Variants in PLEKHA6 observed in about 807,000 individuals in gnomAD.
The protein encoded by PLEKHA6 is pleckstrin homology domain containing A6.
In PLEKHA6, 60 loss-of-function variants were observed where a neutral mutation model predicts 116.7. The ratio of observed to expected loss-of-function variants is 0.51; its 90% confidence interval spans 0.42 to 0.64. PLEKHA6 has a LOEUF of 0.64. PLEKHA6 is among the 30% of genes least tolerant of loss of function. The pLI is 0.00. For synonymous variants in PLEKHA6, 489 were observed against 556.1 expected (o/e 0.88, Z 1.70); for missense variants, 1,338 against 1,422.7 (o/e 0.94, Z 0.96).
chr1:204,290,000 A>G (rs1438933662), intron 1 of PLEKHA6, among the ~76,000 whole-genome samples: 2 of 152,254 alleles, frequency 1.3e-5, no homozygotes, highest in Non-Finnish European at 2.9e-5. Flanking sequence ...CAAGACCTAT[A>G]CACTGAAAAC....
intron 1 of PLEKHA6, among the ~76,000 whole-genome samples, chr1:204,338,672 G>A (rs964072828): frequency 1.3e-5 from 2 of 152,200 alleles, no homozygotes; most frequent in African/African-American, 4.8e-5. Context: ...TAAAGACAGG[G>A]AGACTTGTGG....
At chr1:204,347,363 G>A (rs1673099862) in intron 1 of PLEKHA6, 2 of 618,470 alleles carry the variant, frequency 3.2e-6, no homozygotes, top group Non-Finnish European at 5.8e-6. Flanking sequence ...GGCTGTCAGA[G>A]TTTAAGGTGA....
intron 1 of PLEKHA6, among the ~76,000 whole-genome samples, chr1:204,351,008 C>T (rs1009860786): frequency 1.3e-5 from 2 of 152,220 alleles, no homozygotes; most frequent in Admixed American, 6.5e-5. Context: ...TGACTTCCCC[C>T]AGCTCACCAC....
intron 1 of PLEKHA6, chr1:204,313,713 A>G: frequency 2.0e-6 from 2 of 984,992 alleles, no homozygotes; most frequent in African/African-American, 1.7e-5. Context: ...GCAGCTAACC[A>G]CCTTTCTATC....
chr1:204,241,092 T>C (rs780508086), intron 17 of PLEKHA6, among the ~76,000 whole-genome samples: 28 of 152,216 alleles, frequency 1.8e-4, no homozygotes, highest in Non-Finnish European at 3.8e-4. Context: ...GCATGTAAGT[T>C]AATACTTACT....
At chr1:204,321,447 C>A (rs746364188) in intron 1 of PLEKHA6, among the ~76,000 whole-genome samples, 1 of 151,696 alleles carries the variant, frequency 6.6e-6, no homozygotes, top group Non-Finnish European at 1.5e-5. Flanking sequence ...CTACTGCCCC[C>A]CTGCAGTGCA....
chr1:204,321,572 A>G (rs570929103), intron 1 of PLEKHA6, among the ~76,000 whole-genome samples: 1 of 147,686 alleles, frequency 6.8e-6, no homozygotes, highest in South Asian at 2.2e-4. Context: ...CTTCCACCCT[A>G]CCCTTCCCAT....
At position 204,238,870 on chromosome 1, in the gene PLEKHA6, A is replaced by C. The variant is rs1662422056; in HGVS notation, c.2409+2505T>G. On this transcript the variant is annotated intron_variant, in intron 17 of 22. Coordinates refer to ENST00000272203, the MANE Select transcript of PLEKHA6 (RefSeq NM_014935.5). The surrounding 1 kb of genome is among the most constrained non-coding windows in gnomAD (Gnocchi z 4.2). ...GAAGGGAAATCTTCCCAGTGGGCAG[A>C]ACTTCAAGCAGTGCACCTGGCTGTG... 6.6e-6 allele frequency among the ~76,000 whole-genome samples: 1 copy of C among 152,246 alleles called. No homozygotes were observed. The highest frequency in any genetic ancestry group is 1.5e-5 in the Non-Finnish European group (1 of 68,046).
rs746710062 is a variant in PLEKHA6 at position 204,247,460 on chromosome 1, C to T, written c.1825G>A (p.Ala609Thr). 2 of 1,607,372 alleles carry T rather than the reference C, an allele frequency of 1.2e-6. No homozygotes were observed. Among genetic ancestry groups the T allele is most frequent in the African/African-American group, 1.3e-5 (1 of 74,762 alleles). Reference protein sequence around the residue: ...IRVELSQATTALTNSTIEYEH... With the variant: ...IRVELSQATTTLTNSTIEYEH... Reference sequence around the variant, plus strand: ...TACTCTATGGTGCTGTTTGTCAGGGCCTACGGGGGAAAGAGGCGTTCACTG... The same window carrying T: ...TACTCTATGGTGCTGTTTGTCAGGGTCTACGGGGGAAAGAGGCGTTCACTG... The change falls in exon 13 of 23, where the codon GCC (alanine) becomes ACC (threonine). Residue 609 changes from alanine to threonine, a missense_variant and splice_region_variant. Coordinates refer to ENST00000272203, the MANE Select transcript of PLEKHA6 (RefSeq NM_014935.5).
rs780836003 is a variant in PLEKHA6, at chr1:204,257,592, G to A, written c.1285C>T (p.Arg429Trp). Residue 429 changes from arginine to tryptophan, a missense_variant, in exon 9 of 23, where the codon CGG (arginine) becomes TGG (tryptophan). Physicochemically the swap from Arg to Trp is moderately radical, Grantham distance 101. Around this residue, in one of 3 missense-constraint regions of PLEKHA6, gnomAD observed 1,136 missense variants for 1,163.6 expected, o/e 0.98. Transcript: ENST00000272203. The surrounding 1 kb of genome is among the most constrained non-coding windows in gnomAD (Gnocchi z 6.5). Reference protein sequence around the residue: ...DATVWIPSPSRQPVYYDELDA... With the variant: ...DATVWIPSPSWQPVYYDELDA... ...AGCTCATCATAATAGACTGGCTGCCGGGAGGGGCTTGGGATCCAGACGGTG... is the reference window on the plus strand; with the variant it reads ...AGCTCATCATAATAGACTGGCTGCCAGGAGGGGCTTGGGATCCAGACGGTG... 25 of 1,608,822 alleles carry A rather than the reference G, an allele frequency of 1.6e-5. No individual in the cohort carries two copies. Among genetic ancestry groups the A allele is most frequent in the Middle Eastern group, 1.7e-4 (1 of 5,940 alleles).
intron 2 of PLEKHA6, among the ~76,000 whole-genome samples, chr1:204,370,361 C>T (rs147565003): frequency 2.6e-5 from 4 of 152,374 alleles, no homozygotes; most frequent in Admixed American, 6.5e-5. Flanking sequence ...AACCAGGCGC[C>T]TAGTGTCCAG....
chr1:204,246,333 C>T (rs897804669), intron 13 of PLEKHA6, among the ~76,000 whole-genome samples: 5 of 152,162 alleles, frequency 3.3e-5, no homozygotes, highest in Admixed American at 6.5e-5. Context: ...GAGACTTACA[C>T]CCAAGGCCAT....
chr1:204,255,935 A>C (rs1665223486), intron 9 of PLEKHA6, among the ~76,000 whole-genome samples: 1 of 152,196 alleles, frequency 6.6e-6, no homozygotes, highest in Non-Finnish European at 1.5e-5. Flanking sequence ...AGGTCTGCCT[A>C]GGCCTCCCTG....
In PLEKHA6 at chr1:204,244,810, C is replaced by G. The variant is rs563362921; in HGVS notation, c.2172+54G>C. The G allele has an allele frequency of 2.2e-6, 3 of 1,385,542 alleles. No individual in the cohort carries two copies. In the African/African-American group the frequency reaches 4.4e-5, roughly 20 times the overall value. 85.8% of individuals were successfully genotyped at this position (1,385,542 alleles called of 1,614,324 possible). The stretch of plus-strand genomic sequence containing the variant: ...CAGAAGTTGTATAGTTTCAGACAAA[C>G]GAGGATCTGGTCCTCCCTCCCCCAC... On this transcript the variant is annotated intron_variant, in intron 15 of 22. Transcript: ENST00000272203.
intron 1 of PLEKHA6, among the ~76,000 whole-genome samples, chr1:204,286,303 G>T (rs534941111): frequency 1.3e-5 from 2 of 152,274 alleles, no homozygotes; most frequent in African/African-American, 4.8e-5. Flanking sequence ...GAGAAGGAAG[G>T]CAGGGAGGCA....
intron 3 of PLEKHA6, among the ~76,000 whole-genome samples, chr1:204,269,430 A>G (rs547805036): frequency 1.6e-5 from 2 of 124,508 alleles, no homozygotes; most frequent in African/African-American, 5.8e-5. Flanking sequence ...TAGCCAGATT[A>G]TGGTGCTGCT....
chr1:204,313,838 G>A (rs139778494), intron 1 of PLEKHA6: 224 of 288,428 alleles, frequency 7.8e-4, no homozygotes, highest in African/African-American at 4.8e-3. Context: ...GCATCTCCCC[G>A]GGGATCCTCT....
chr1:204,243,309 A>G (rs1663118729), intron 15 of PLEKHA6: 2 of 399,668 alleles, frequency 5.0e-6, no homozygotes, highest in Non-Finnish European at 8.8e-6. Context: ...AAGAGCAGCC[A>G]CTGTGAGAGC....
chr1:204,273,876 G>T, intron 2 of PLEKHA6, 136 bp from the exon 3 acceptor site: 1 of 645,908 alleles, frequency 1.5e-6, no homozygotes, highest in Non-Finnish European at 2.8e-6. Flanking sequence ...GCCATTGAGG[G>T]GTCACCTCAG....
Sources: gnomAD v4.1 joint callset for allele counts (sites outside exome capture counted in the v4.1 genomes callset) on GRCh38, gnomAD v4.1.1 for gene constraint, gnomAD v4.1.1 regional missense constraint, Gnocchi (gnomAD v3.1) non-coding constraint, MANE v1.5 for transcripts, NCBI Gene and HGNC (gene_info 2026-07-23, HGNC 2026-07-21) for gene names.